MCF2L2: variants seen among roughly 807,000 people sequenced by gnomAD.
The protein encoded by MCF2L2 is MCF.2 cell line derived transforming sequence-like 2, also known as probable guanine nucleotide exchange factor MCF2L2.
MCF2L2 carries 102 observed loss-of-function variants against 150.2 expected under a neutral mutation model. The observed-to-expected ratio is 0.68, with a 90% CI of 0.58 to 0.80. The LOEUF (loss-of-function observed/expected upper bound fraction) is 0.80, where lower values mean the gene tolerates loss of function less well. Ranked by LOEUF, MCF2L2 falls within the 30% of genes least tolerant of loss-of-function variation. The pLI, the probability that MCF2L2 is intolerant of heterozygous loss-of-function variation, is 0.00. For missense variants in MCF2L2, 1,256 were observed against 1,372.8 expected (o/e 0.91, Z 1.34); for synonymous variants, 465 against 491.3 (o/e 0.95, Z 0.71).
intron 15 of MCF2L2, among the ~76,000 whole-genome samples, chr3:183,250,857 C>G (rs1724488836): frequency 6.6e-6 from 1 of 152,208 alleles, no homozygotes; most frequent in Non-Finnish European, 1.5e-5. Context: ...ATGAGCCTAC[C>G]TCTGCCAGGT....
At chr3:183,407,694 A>C (rs769492609) in intron 1 of MCF2L2, among the ~76,000 whole-genome samples, 1 of 152,200 alleles carries the variant, frequency 6.6e-6, no homozygotes, top group Non-Finnish European at 1.5e-5. Flanking sequence ...AGGTTTGTGT[A>C]GTGGAATTTT....
rs186992298 is a variant in MCF2L2 at position 183,303,275 on chromosome 3, A to G, written c.1114-3079T>C. ...CATGAGAGCATTTAGTAGGCATGCA[A>G]TAAATATTTGATCAACAAAATAAAT... is the stretch of plus-strand genomic sequence containing the variant. On this transcript the variant is annotated intron_variant, in intron 10 of 29. Transcript: ENST00000328913. Among the ~76,000 whole-genome samples the G allele has an allele frequency of 2.1e-3, 315 of 152,318 alleles. 4 individuals are homozygous for G. Among genetic ancestry groups the G allele is most frequent in the Non-Finnish European group, 1.1e-3 (77 of 68,024 alleles).
At chr3:183,317,669 C>G (rs114031650) in intron 7 of MCF2L2, among the ~76,000 whole-genome samples, 2,593 of 152,246 alleles carry the variant, frequency 0.017, 77 homozygotes, top group African/African-American at 0.059. Context: ...CAAAAGCCAG[C>G]CCCTACCCCT....
At chr3:183,416,957 T>A (rs1482859063) in intron 1 of MCF2L2, among the ~76,000 whole-genome samples, 1 of 150,850 alleles carries the variant, frequency 6.6e-6, no homozygotes, top group Non-Finnish European at 1.5e-5. Flanking sequence ...AAAATTTTTT[T>A]AAAAATTAGC....
chr3:183,230,951 A>G lies in MCF2L2; in HGVS notation c.1929T>C (p.Asp643=). The G allele has an allele frequency of 6.2e-7, 1 of 1,611,412 alleles. No individual in the cohort carries two copies. ...TACCCCACTCCCCAAATCTACTTAC[A>G]TCAATTATGCTTTTAATCTCTTTTA... ...IYIKEIKSII[D]GYITPMDFIW... Residue 643 remains aspartate, a splice_region_variant and synonymous_variant, in exon 16 of 30, where the codon GAT becomes GAC. Transcript: ENST00000328913.
chr3:183,360,988 GAAA>G (rs1482989881), intron 3 of MCF2L2, among the ~76,000 whole-genome samples: 8 of 118,760 alleles, frequency 6.7e-5, no homozygotes, highest in East Asian at 6.4e-4. Flanking sequence ...GAAAAGAAAA[GAAA>G]AGAAAAGAAA....
In MCF2L2 at chr3:183,269,209, C is replaced by T. The variant is rs1195034625; in HGVS notation, c.1862+7663G>A. ...TGTGAAATTTGAACTTAAGTATACA[C>T]GATTATAGCCGTTTGGGAAGCTTTT... On this transcript the variant is annotated intron_variant, in intron 15 of 29. Coordinates refer to ENST00000328913, the MANE Select transcript of MCF2L2 (RefSeq NM_015078.4). Among the ~76,000 whole-genome samples the T allele has an allele frequency of 3.3e-5, 4 of 119,484 alleles. No individual in the cohort carries two copies. In the South Asian group the frequency reaches 7.8e-4, roughly 23 times the overall value. The allele number at this position is 119,484 out of a possible 152,430, so 78.4% of individuals were successfully genotyped here. A position where few individuals can be genotyped will look rare whatever the true frequency, so the allele number is the denominator to read the frequency against.
chr3:183,309,693 C>T, intron 10 of MCF2L2, 23 bp downstream of exon 10: 1 of 1,613,994 alleles, frequency 6.2e-7, no homozygotes, highest in East Asian at 2.2e-5. Flanking sequence ...CCTCCCAGTA[C>T]ACAAAAATGT....
Position 183,427,903 on chromosome 3 carries a change from G to A in MCF2L2, c.75C>T (p.Val25=), listed in dbSNP as rs370029930. 5.6e-6 allele frequency: 9 copies of A among 1,613,612 alleles called. No individual in the cohort carries two copies. Among genetic ancestry groups the A allele is most frequent in the Admixed American group, 1.7e-5 (1 of 60,020 alleles). Residue 25 remains valine (V), a splice_region_variant and synonymous_variant, in exon 1 of 30, where the codon GTC becomes GTT. Transcript: ENST00000328913. ...TRRLATVITH[V]DEIMQQEVRP... is the part of the protein sequence containing the mutation. ...AGGAAAAATTAAAGCTTCGTTTACC[G>A]ACATGAGTGATCACTGTGGCCAGTC... is the stretch of plus-strand genomic sequence containing the variant.
intron 22 of MCF2L2, among the ~76,000 whole-genome samples, chr3:183,209,031 C>T (rs957426308): frequency 8.9e-6 from 1 of 111,840 alleles, no homozygotes; most frequent in Non-Finnish European, 2.2e-5. Context: ...AACTCCCAGC[C>T]ACGAGGCCTT....
intron 3 of MCF2L2, among the ~76,000 whole-genome samples, chr3:183,361,078 A>AAGAGAAGAGAAGAGAAGAGAAGAC (rs1712156315): frequency 9.0e-6 from 1 of 110,824 alleles, no homozygotes; most frequent in African/African-American, 3.3e-5. Flanking sequence ...GACAGAAGAG[A>AAGAGAAGAGAAGAGAAGAGAAGAC]AGACAAGACA....
chr3:183,279,397 T>C (rs774881910), intron 14 of MCF2L2, among the ~76,000 whole-genome samples: 2 of 152,236 alleles, frequency 1.3e-5, no homozygotes, highest in African/African-American at 4.8e-5. Context: ...AAATTGACCA[T>C]AGACTAACTC....
intron 15 of MCF2L2, chr3:183,272,178 T>A: frequency 1.0e-6 from 1 of 1,000,284 alleles, no homozygotes; most frequent in African/African-American, 1.7e-5. Context: ...ATCAAAGAGA[T>A]GTGTCTGAGA....
At chr3:183,370,704 T>C (rs1414848223) in intron 3 of MCF2L2, among the ~76,000 whole-genome samples, 1 of 152,224 alleles carries the variant, frequency 6.6e-6, no homozygotes, top group African/African-American at 2.4e-5. Flanking sequence ...CCCTAGTTTT[T>C]AAATAGAGAA....
intron 15 of MCF2L2, among the ~76,000 whole-genome samples, chr3:183,259,921 G>C (rs1172066064): frequency 5.3e-5 from 8 of 152,144 alleles, no homozygotes; most frequent in Non-Finnish European, 1.2e-4. Context: ...AGTGCTAACA[G>C]AATGCAGCAA....
At chr3:183,336,250 A>G (rs1467621564) in intron 5 of MCF2L2, among the ~76,000 whole-genome samples, 1 of 152,132 alleles carries the variant, frequency 6.6e-6, no homozygotes, top group African/African-American at 2.4e-5. Context: ...ATATAGAGAG[A>G]AGCAAATGAT....
intron 22 of MCF2L2, among the ~76,000 whole-genome samples, chr3:183,209,342 A>G (rs1419332082): frequency 1.3e-5 from 2 of 152,236 alleles, no homozygotes; most frequent in East Asian, 3.8e-4. Flanking sequence ...TTGAGCATCC[A>G]TAATTTAAAA....
intron 3 of MCF2L2, chr3:183,372,021 T>TG (rs1712917388): frequency 7.9e-6 from 1 of 126,876 alleles, no homozygotes; most frequent in Admixed American, 7.1e-5. Flanking sequence ...GTATATCGTT[T>TG]TTTTTTTTTT....
chr3:183,270,612 T>G lies in MCF2L2; in HGVS notation c.1862+6260A>C, dbSNP rs1251242157. Reference sequence around the variant, plus strand: ...TGTAGCTGCCAAAGTCTATGAGGCATCACAGACACTAAATTCAAGTCTTTA... The same window carrying G: ...TGTAGCTGCCAAAGTCTATGAGGCAGCACAGACACTAAATTCAAGTCTTTA... On this transcript the variant is annotated intron_variant, in intron 15 of 29. Coordinates refer to ENST00000328913, the MANE Select transcript of MCF2L2 (RefSeq NM_015078.4). The surrounding 1 kb of genome is among the most constrained non-coding windows in gnomAD (Gnocchi z 4.5). 4 of 1,614,190 alleles carry G rather than the reference T, an allele frequency of 2.5e-6. No homozygotes were observed. The highest frequency in any genetic ancestry group is 3.4e-6 in the Non-Finnish European group (4 of 1,180,038).
Sources: gnomAD v4.1 joint callset for allele counts (sites outside exome capture counted in the v4.1 genomes callset) on GRCh38, gnomAD v4.1.1 for gene constraint, Gnocchi (gnomAD v3.1) non-coding constraint, MANE v1.5 for transcripts, NCBI Gene and HGNC (gene_info 2026-07-23, HGNC 2026-07-21) for gene names.